CCDC178: variants seen among roughly 807,000 people sequenced by gnomAD.
The protein encoded by CCDC178 is coiled-coil domain containing 178.
A neutral mutation model predicts 117.4 loss-of-function variants in CCDC178; 126 were observed. The ratio of observed to expected loss-of-function variants is 1.07; its 90% CI spans 0.93 to 1.24. CCDC178 has a LOEUF of 1.24. Among genes scored for constraint, CCDC178 ranks in the 50% most tolerant of loss-of-function variants. The pLI, the probability that CCDC178 is intolerant of heterozygous loss-of-function variation, is 0.00. For synonymous variants in CCDC178, 283 were observed against 313.4 expected (o/e 0.90, Z 1.02); for missense variants, 1,030 against 986.9 (o/e 1.04, Z -0.59).
chr18:33,262,714 T>C (rs761811466), intron 14 of CCDC178, among the ~76,000 whole-genome samples: 8 of 152,106 alleles, frequency 5.3e-5, no homozygotes, highest in Admixed American at 1.3e-4. Context: ...ACATCAAAAG[T>C]GTAACTCTGT....
chr18:33,212,825 T>C (rs769544387), intron 19 of CCDC178, among the ~76,000 whole-genome samples: 2 of 151,950 alleles, frequency 1.3e-5, no homozygotes, highest in Non-Finnish European at 2.9e-5. Context: ...GGAACAATAC[T>C]AGTAGAAAAA....
chr18:33,154,940 A>G (rs1413300998), intron 20 of CCDC178, among the ~76,000 whole-genome samples: 3 of 152,192 alleles, frequency 2.0e-5, no homozygotes, highest in Non-Finnish European at 4.4e-5. Flanking sequence ...GGGAGATTTC[A>G]ACACCTCTTG....
intron 21 of CCDC178, among the ~76,000 whole-genome samples, chr18:33,083,434 A>G (rs924776188): frequency 8.5e-5 from 13 of 152,236 alleles, no homozygotes; most frequent in Admixed American, 6.5e-5. Flanking sequence ...CAATATCACC[A>G]TTGGTGAAAG....
At position 33,119,994 on chromosome 18, in the gene CCDC178, A is replaced by G. The variant is rs542727110; in HGVS notation, c.2239-27084T>C. Among the ~76,000 whole-genome samples, 19 of 151,258 alleles carry G rather than the reference A, an allele frequency of 1.3e-4. No individual in the cohort carries two copies. The East Asian group carries it at 3.6e-3, about 29-fold the overall frequency. The stretch of plus-strand genomic sequence containing the variant: ...GGTGGGAACTGAACAATGAGAACAC[A>G]TGGACACAGGAAGGGGAACATCACA... On this transcript the variant is annotated intron_variant, in intron 20 of 22. Coordinates refer to ENST00000383096, the MANE Select transcript of CCDC178 (RefSeq NM_001105528.4).
At chr18:33,195,194 A>G (rs1045495447) in intron 20 of CCDC178, among the ~76,000 whole-genome samples, 1 of 152,102 alleles carries the variant, frequency 6.6e-6, no homozygotes, top group Non-Finnish European at 1.5e-5. Flanking sequence ...AACTATCTAT[A>G]CTAAAGAAAA....
intron 20 of CCDC178, among the ~76,000 whole-genome samples, chr18:33,177,488 A>T (rs2058677294): frequency 6.6e-6 from 1 of 152,136 alleles, no homozygotes; most frequent in Admixed American, 6.5e-5. Context: ...TCCATTCTGC[A>T]TCCTTGGGGA....
intron 22 of CCDC178, chr18:32,954,542 T>C (rs1046901659): frequency 6.6e-6 from 1 of 152,152 alleles, no homozygotes; most frequent in Non-Finnish European, 1.5e-5. Context: ...TTCAAGCTGT[T>C]ACAACTTAAT....
intron 10 of CCDC178, among the ~76,000 whole-genome samples, chr18:33,330,352 C>T (rs906877375): frequency 5.9e-5 from 9 of 152,084 alleles, no homozygotes; most frequent in Non-Finnish European, 1.3e-4. Context: ...TGGGGAATTA[C>T]TTTCCCTTGC....
intron 4 of CCDC178, among the ~76,000 whole-genome samples, chr18:33,396,581 A>G (rs1464053818): frequency 2.0e-5 from 3 of 152,174 alleles, no homozygotes; most frequent in African/African-American, 7.2e-5. Context: ...TGAGCAAAAA[A>G]AGTAGCAAGG....
intron 11 of CCDC178, among the ~76,000 whole-genome samples, chr18:33,299,502 AACACACACACACAC>A (rs71159812): frequency 6.8e-6 from 1 of 146,100 alleles, no homozygotes; most frequent in South Asian, 2.2e-4. Context: ...AACTAGTATA[AACACACACACACAC>A]ACACACACAC....
intron 21 of CCDC178, among the ~76,000 whole-genome samples, chr18:33,080,700 A>T (rs1276438360): frequency 6.6e-6 from 1 of 152,190 alleles, no homozygotes; most frequent in Non-Finnish European, 1.5e-5. Flanking sequence ...TTTCTAAGGA[A>T]AAATGAGAAT....
At chr18:33,120,832 T>G (rs1234181411) in intron 20 of CCDC178, among the ~76,000 whole-genome samples, 1 of 152,144 alleles carries the variant, frequency 6.6e-6, no homozygotes, top group Admixed American at 6.6e-5. Context: ...CAGTATTTAT[T>G]TAAGTTACAG....
intron 6 of CCDC178, among the ~76,000 whole-genome samples, chr18:33,369,549 G>C (rs943881546): frequency 3.3e-5 from 5 of 151,932 alleles, no homozygotes; most frequent in African/African-American, 7.2e-5. Context: ...GAAAATAATT[G>C]CCTTTCAAGA....
chr18:33,005,997 A>G (rs546332272), intron 21 of CCDC178, among the ~76,000 whole-genome samples: 1 of 152,182 alleles, frequency 6.6e-6, no homozygotes, highest in African/African-American at 2.4e-5. Flanking sequence ...TATGTTTAAA[A>G]AGGAGAAATA....
At chr18:33,393,398 C>G (rs901589908) in intron 4 of CCDC178, among the ~76,000 whole-genome samples, 1 of 151,976 alleles carries the variant, frequency 6.6e-6, no homozygotes, top group Non-Finnish European at 1.5e-5. Context: ...GAAAATGCCA[C>G]CTTAAATTTA....
rs750104049 is a variant in CCDC178, at chr18:32,945,342, TTTAAG to T, written c.2524-7256_2524-7252del. On this transcript the variant is annotated intron_variant, in intron 22 of 22. Transcript: ENST00000383096. ...TGAACATACTCCCCAAGTTTGAAACTTTAAGTTGTCAATTATTTGTCTGATTTACT... is the reference window on the plus strand; with the variant it reads ...TGAACATACTCCCCAAGTTTGAAACTTTGTCAATTATTTGTCTGATTTACT... 1.5e-3 allele frequency among the ~76,000 whole-genome samples: 236 copies of T among 152,326 alleles called. 2 individuals are homozygous for T. The highest frequency in any genetic ancestry group is 3.4e-3 in the Middle Eastern group (1 of 292).
chr18:33,070,341 C>T (rs1007820913), intron 21 of CCDC178, among the ~76,000 whole-genome samples: 4 of 151,930 alleles, frequency 2.6e-5, no homozygotes, highest in Non-Finnish European at 5.9e-5. Context: ...TACTATTCAG[C>T]CATAAAAAAA....
chr18:32,995,736 C>T (rs946908551), intron 21 of CCDC178, among the ~76,000 whole-genome samples: 1 of 152,086 alleles, frequency 6.6e-6, no homozygotes, highest in East Asian at 1.9e-4. Context: ...TGGTACATTA[C>T]ATAATTGGGA....
intron 20 of CCDC178, among the ~76,000 whole-genome samples, chr18:33,179,422 T>C (rs191473186): frequency 2.7e-4 from 41 of 151,898 alleles, no homozygotes; most frequent in African/African-American, 8.4e-4. Flanking sequence ...TTTAAAGCCA[T>C]GTTTTGTCTT....
Sources: allele counts gnomAD v4.1 joint callset (sites outside exome capture counted in the v4.1 genomes callset), GRCh38; gene constraint gnomAD v4.1.1; transcripts MANE v1.5; gene names NCBI Gene and HGNC (gene_info 2026-07-23, HGNC 2026-07-21).